Variants in FARP2 observed in about 807,000 individuals in gnomAD.
FARP2 encodes the protein FERM, ARH/RhoGEF and pleckstrin domain protein 2, also known as FERM, ARHGEF and pleckstrin domain-containing protein 2.
Under a neutral mutation model 130.5 loss-of-function variants are expected in FARP2, and 111 were observed. The ratio of observed to expected loss-of-function variants is 0.85; its 90% confidence interval spans 0.73 to 1.00. The LOEUF is 1.00. Ranked by LOEUF, FARP2 falls within the 50% of genes least tolerant of loss-of-function variation. The pLI is 0.00. For missense variants in FARP2, 1,385 were observed against 1,346.3 expected, an observed-to-expected ratio of 1.03 and a Z score of -0.45; for synonymous variants, 504 against 516.9, an observed-to-expected ratio of 0.98 and a Z score of 0.34.
At chr2:241,418,471 C>G (rs765391492) in intron 8 of FARP2, among the ~76,000 whole-genome samples, 30 of 149,848 alleles carry the variant, frequency 2.0e-4, no homozygotes, top group Non-Finnish European at 3.4e-4. Flanking sequence ...AAACCACAAC[C>G]CTGTTTTTTT....
intron 1 of FARP2, among the ~76,000 whole-genome samples, chr2:241,357,654 A>G (rs1158114753): frequency 2.0e-5 from 3 of 152,168 alleles, no homozygotes; most frequent in Non-Finnish European, 4.4e-5. Flanking sequence ...ACTTGCAAAT[A>G]CCATCTGTAC....
intron 2 of FARP2, among the ~76,000 whole-genome samples, chr2:241,391,033 G>C (rs2061892210): frequency 6.6e-6 from 1 of 152,208 alleles, no homozygotes; most frequent in African/African-American, 2.4e-5. Context: ...TAGTGAGTGG[G>C]TGGGGACGCT....
At chr2:241,419,311 T>G (rs1274919719) in intron 8 of FARP2, among the ~76,000 whole-genome samples, 1 of 152,100 alleles carries the variant, frequency 6.6e-6, no homozygotes, top group Non-Finnish European at 1.5e-5. Context: ...GAGCATCCCC[T>G]GCCTACACCT....
At chr2:241,363,043 A>T (rs2061224976) in intron 1 of FARP2, among the ~76,000 whole-genome samples, 1 of 152,230 alleles carries the variant, frequency 6.6e-6, no homozygotes, top group Admixed American at 6.5e-5. Flanking sequence ...CCGACAAGTA[A>T]ACGGTAACAG....
chr2:241,402,865 TATATATATATATATA>T (rs1415648129), intron 2 of FARP2, among the ~76,000 whole-genome samples: 38 of 16,452 alleles, frequency 2.3e-3, no homozygotes, highest in African/African-American at 5.0e-3. Context: ...TATATATATA[TATATATATATATATA>T]TTTTTTTTTT....
In FARP2 at chr2:241,490,143, T is replaced by C. The variant is rs1304493750; in HGVS notation, c.2504+99T>C. 6 of 823,674 alleles carry C rather than the reference T, an allele frequency of 7.3e-6. No homozygotes were observed. The East Asian group carries it at 1.5e-4, about 20-fold the overall frequency. The allele number at this position is 823,674 out of a possible 1,614,324, so 51.0% of individuals were successfully genotyped here. A position where few individuals can be genotyped will look rare whatever the true frequency, so the allele number is the denominator to read the frequency against. On this transcript the variant is annotated intron_variant, in intron 22 of 26. Coordinates refer to ENST00000264042, the MANE Select transcript of FARP2 (RefSeq NM_014808.4). ...GAGTCCTCTGAGCTGTGAGGAGCCATGTAGCCTCATGGGGTTGTGCCCCCT... is the reference window on the plus strand; with the variant it reads ...GAGTCCTCTGAGCTGTGAGGAGCCACGTAGCCTCATGGGGTTGTGCCCCCT...
intron 13 of FARP2, among the ~76,000 whole-genome samples, chr2:241,448,855 C>T (rs897174854): frequency 1.3e-5 from 2 of 152,238 alleles, no homozygotes; most frequent in African/African-American, 2.4e-5. Flanking sequence ...TGTGTCAGCT[C>T]GTTAAAACCC....
intron 21 of FARP2, among the ~76,000 whole-genome samples, chr2:241,487,146 A>C (rs528343686): frequency 6.6e-6 from 1 of 152,314 alleles, no homozygotes; most frequent in South Asian, 2.1e-4. Context: ...TTAAGTCACA[A>C]ATTATTTTCT....
intron 13 of FARP2, among the ~76,000 whole-genome samples, chr2:241,453,762 C>G (rs1244985160): frequency 1.5e-5 from 2 of 132,040 alleles, no homozygotes; most frequent in African/African-American, 5.7e-5. Flanking sequence ...GGGAGTGGCA[C>G]TTACTGGTTT....
At chr2:241,465,435 C>T (rs1414907640) in intron 17 of FARP2, 14 of 1,542,438 alleles carry the variant, frequency 9.1e-6, no homozygotes, top group Non-Finnish European at 1.1e-5. Context: ...ACCTTGGCTG[C>T]TAGGCTCATA....
rs753053941 is a variant in FARP2 at position 241,475,871 on chromosome 2, A to G, written c.2146A>G (p.Ile716Val). The G allele has an allele frequency of 1.9e-6, 3 of 1,613,160 alleles. No homozygotes were observed. The highest frequency in any genetic ancestry group is 2.2e-5 in the East Asian group (1 of 44,852). ...TCTCCACACAGACGCCCTGAAAGCC[A>G]TCACAGAGGTGACCACCACACTACA... Reference protein sequence around the residue: ...YADCHDALKAITEVTTTLQHI... With the variant: ...YADCHDALKAVTEVTTTLQHI... The change falls in exon 19 of 27, where the codon ATC becomes GTC. Residue 716 changes from isoleucine to valine, a missense_variant. Physicochemically the swap from Ile to Val is conservative, Grantham distance 29 (BLOSUM62 3). Transcript: ENST00000264042. This position sits in a 1 kb window ranked among gnomAD's most constrained non-coding sequence, Gnocchi z 4.4.
Position 241,491,018 on chromosome 2 carries a change from C to T in FARP2, c.2505-43C>T, listed in dbSNP as rs780565444. ...CTCCCTTGAGGGCTGGGGCCCTACA[C>T]AAGGAAGAGCAGAGCCACTGAGCCT... On this transcript the variant is annotated intron_variant, in intron 22 of 26. Transcript: ENST00000264042. The T allele has an allele frequency of 8.1e-6, 12 of 1,484,148 alleles. No individual in the cohort carries two copies. The Admixed American group carries it at 2.0e-4, about 25-fold the overall frequency. The allele number at this position is 1,484,148 out of a possible 1,614,324, so 91.9% of individuals were successfully genotyped here.
rs766541022 is a variant in FARP2 at position 241,441,358 on chromosome 2, G to A, written c.1213G>A (p.Ala405Thr). The stretch of plus-strand genomic sequence containing the variant: ...TCCTGCCTCCCCATCTTCAGCGAAT[G>A]CCTTTTACTCGCTCTCTCCCTCCAC... ...RTPASPSSAN[A>T]FYSLSPSTLV... The change falls in exon 13 of 27, where the codon GCC becomes ACC. Residue 405 changes from alanine (A) to threonine (T), a missense_variant. By Grantham distance (58) the Ala-to-Thr change is moderately conservative. Transcript: ENST00000264042. 1 of 1,613,478 alleles carries A rather than the reference G, an allele frequency of 6.2e-7. No homozygotes were observed. The highest frequency in any genetic ancestry group is 8.5e-7 in the Non-Finnish European group (1 of 1,179,476).
intron 12 of FARP2, among the ~76,000 whole-genome samples, chr2:241,440,026 C>T (rs1366581996): frequency 6.6e-6 from 1 of 152,100 alleles, no homozygotes; most frequent in Admixed American, 6.6e-5. Context: ...TTAAAAGCCA[C>T]ATGAGAATAT....
At chr2:241,476,537 A>G (rs1272039000) in intron 19 of FARP2, among the ~76,000 whole-genome samples, 1 of 152,074 alleles carries the variant, frequency 6.6e-6, no homozygotes, top group Admixed American at 6.6e-5. Flanking sequence ...AAAATACAAA[A>G]AATTAGCAGG....
At chr2:241,357,448 A>G (rs556547876) in intron 1 of FARP2, among the ~76,000 whole-genome samples, 13 of 152,256 alleles carry the variant, frequency 8.5e-5, no homozygotes, top group African/African-American at 2.9e-4. Flanking sequence ...TAAATTTTCT[A>G]CATCTGCTTG....
Position 241,419,154 on chromosome 2 carries a change from C to A in FARP2, c.771+1045C>A, listed in dbSNP as rs778091189. On this transcript the variant is annotated intron_variant, in intron 8 of 26. Transcript: ENST00000264042. Reference sequence around the variant, plus strand: ...CTTTTCCTTATTTTTCTTAACCTAGCCATCAAGTTTCAATTTCCTGTCAGA... The same window carrying A: ...CTTTTCCTTATTTTTCTTAACCTAGACATCAAGTTTCAATTTCCTGTCAGA... Among the ~76,000 whole-genome samples the A allele has an allele frequency of 3.9e-5, 6 of 152,072 alleles. No homozygotes were observed. In the East Asian group the frequency reaches 7.7e-4, roughly 20 times the overall value.
chr2:241,435,860 T>G (rs1366440200), intron 11 of FARP2, among the ~76,000 whole-genome samples: 7 of 151,024 alleles, frequency 4.6e-5, no homozygotes, highest in Admixed American at 3.3e-4. Context: ...ATTTTTAGTT[T>G]CTCTTCTGTA....
At chr2:241,427,751 C>T (rs761489177) in intron 8 of FARP2, among the ~76,000 whole-genome samples, 3 of 152,146 alleles carry the variant, frequency 2.0e-5, no homozygotes, top group Middle Eastern at 3.4e-3. Context: ...CTCTTACCTC[C>T]GTGGCAGGCC....
Sources: gnomAD v4.1 joint callset for allele counts (sites outside exome capture counted in the v4.1 genomes callset) on GRCh38, gnomAD v4.1.1 for gene constraint, Gnocchi (gnomAD v3.1) non-coding constraint, MANE v1.5 for transcripts, NCBI Gene and HGNC (gene_info 2026-07-23, HGNC 2026-07-21) for gene names.